Variants in DLC1 observed in about 807,000 individuals in gnomAD.
DLC1 encodes the protein rho GTPase-activating protein 7.
In DLC1, 54 loss-of-function variants were observed where a neutral mutation model predicts 140.3. The observed-to-expected ratio is 0.38, with a 90% CI of 0.31 to 0.48. The LOEUF is 0.48. DLC1 is among the 20% of genes least tolerant of loss of function. The pLI, the probability that DLC1 is intolerant of heterozygous loss-of-function variation, is 0.96. For missense variants in DLC1, 2,536 were observed against 1,907.0 expected, an observed-to-expected ratio of 1.33 and a Z score of -6.14; for synonymous variants, 986 against 728.1, an observed-to-expected ratio of 1.35 and a Z score of -5.70.
intron 5 of DLC1, among the ~76,000 whole-genome samples, chr8:13,127,587 T>C (rs548238847): frequency 6.6e-6 from 1 of 152,356 alleles, no homozygotes; most frequent in Admixed American, 6.5e-5. Flanking sequence ...TCTTCTATTT[T>C]GTCACTTGAG....
intron 1 of DLC1, among the ~76,000 whole-genome samples, chr8:13,602,155 T>C (rs1805909352): frequency 6.6e-6 from 1 of 151,740 alleles, no homozygotes; most frequent in Non-Finnish European, 1.5e-5. Flanking sequence ...TGTTAAACAA[T>C]ACCATGGTAT....
At chr8:13,215,463 A>G (rs1204849895) in intron 5 of DLC1, among the ~76,000 whole-genome samples, 4 of 152,060 alleles carry the variant, frequency 2.6e-5, no homozygotes, top group Non-Finnish European at 4.4e-5. Context: ...GGGCACGTCT[A>G]TAGTCACAGC....
chr8:13,566,784 A>C, intron 1 of DLC1: 1 of 638,536 alleles, frequency 1.6e-6, no homozygotes, highest in Non-Finnish European at 2.5e-6. Context: ...GGGAGCGCGG[A>C]GGAAAAGGCG....
In DLC1 at chr8:13,087,674, T is replaced by G. The variant is rs1180325775; in HGVS notation, c.4292+813A>C. Among the ~76,000 whole-genome samples the G allele has an allele frequency of 3.3e-5, 5 of 152,228 alleles. No homozygotes were observed. The South Asian group carries it at 6.2e-4, about 19-fold the overall frequency. On this transcript the variant is annotated intron_variant, in intron 16 of 17. Transcript: ENST00000276297. ...TTGAAGTGTAGCTTAAAACCATTTTTCTATTTCACAAATGTCTTGGAACAC... is the reference window on the plus strand; with the variant it reads ...TTGAAGTGTAGCTTAAAACCATTTTGCTATTTCACAAATGTCTTGGAACAC...
rs562032566 is a variant in DLC1, at chr8:13,544,391, A to T, written c.-125-44195T>A. The stretch of plus-strand genomic sequence containing the variant: ...TTACTCTAATTTAAATAATACATAC[A>T]TAGTGTAATTGTTTGGATCAATTTG... On this transcript the variant is annotated intron_variant, in intron 1 of 1. Transcript: ENST00000631382. 8.5e-4 allele frequency among the ~76,000 whole-genome samples: 130 copies of T among 152,328 alleles called. No individual in the cohort carries two copies. In the Middle Eastern group the frequency reaches 0.01, roughly 12 times the overall value.
chr8:13,213,998 G>A (rs1354707161), intron 5 of DLC1, among the ~76,000 whole-genome samples: 2 of 152,110 alleles, frequency 1.3e-5, no homozygotes, highest in African/African-American at 4.8e-5. Flanking sequence ...TGGCCAGGCC[G>A]CTCTCGAACT....
At chr8:13,224,439 G>A (rs539568684) in intron 5 of DLC1, among the ~76,000 whole-genome samples, 1 of 152,140 alleles carries the variant, frequency 6.6e-6, no homozygotes, top group Non-Finnish European at 1.5e-5. Flanking sequence ...AGCAGTATCT[G>A]TGGGCTACAA....
At position 13,099,714 on chromosome 8, in the gene DLC1, G is replaced by A. The variant is rs1818846958; in HGVS notation, c.2623C>T (p.Arg875Cys). The change falls in exon 9 of 18, where the codon CGC (arginine) becomes TGC (cysteine). Residue 875 changes from arginine (R) to cysteine (C), a missense_variant. Coordinates refer to ENST00000276297, the MANE Select transcript of DLC1 (RefSeq NM_182643.3). ...RRNSSSSMSSRLSIYDNVPGS... is the reference protein window; with the variant it reads ...RRNSSSSMSSCLSIYDNVPGS... ...GGCACGTTGTCGTAGATGCTCAGGC[G>A]GCTGCTCATGGAGCTGGAAGAATTG... The A allele has an allele frequency of 5.6e-6, 9 of 1,614,024 alleles. No individual in the cohort carries two copies. Among genetic ancestry groups the A allele is most frequent in the Non-Finnish European group, 7.6e-6 (9 of 1,180,022 alleles).
intron 1 of DLC1, among the ~76,000 whole-genome samples, chr8:13,586,072 T>C (rs1222980615): frequency 6.6e-6 from 1 of 152,114 alleles, no homozygotes; most frequent in Admixed American, 6.6e-5. Flanking sequence ...TCTTGGAAGT[T>C]TGAAAATATA....
chr8:13,283,875 G>A (rs1029264873), intron 5 of DLC1, among the ~76,000 whole-genome samples: 4 of 152,192 alleles, frequency 2.6e-5, no homozygotes, highest in African/African-American at 9.7e-5. Context: ...AGAATTTGTA[G>A]GACAGAGTAT....
intron 1 of DLC1, among the ~76,000 whole-genome samples, chr8:13,603,025 A>G (rs1163445248): frequency 6.6e-6 from 1 of 151,924 alleles, no homozygotes; most frequent in Non-Finnish European, 1.5e-5. Flanking sequence ...ACGTGGCAAT[A>G]ACTTAGATAA....
intron 5 of DLC1, among the ~76,000 whole-genome samples, chr8:13,245,152 G>A (rs900421553): frequency 1.3e-5 from 2 of 152,148 alleles, no homozygotes; most frequent in Non-Finnish European, 2.9e-5. Context: ...TGTTTTAAGA[G>A]GTCTGACTGC....
At chr8:13,398,071 C>T (rs1416476874) in intron 3 of DLC1, among the ~76,000 whole-genome samples, 2 of 151,936 alleles carry the variant, frequency 1.3e-5, no homozygotes, top group Non-Finnish European at 2.9e-5. Context: ...GCAGAGGTTG[C>T]CGTGAGCCTA....
At chr8:13,450,784 T>C (rs1249611550) in intron 2 of DLC1, among the ~76,000 whole-genome samples, 1 of 151,996 alleles carries the variant, frequency 6.6e-6, no homozygotes, top group Non-Finnish European at 1.5e-5. Context: ...CTCATGCCTG[T>C]AATCCTAGCA....
intron 8 of DLC1, among the ~76,000 whole-genome samples, chr8:13,101,851 C>G (rs1056308508): frequency 6.6e-6 from 1 of 152,172 alleles, no homozygotes. Flanking sequence ...AGCTGTCACA[C>G]GGACTATTGC....
At chr8:13,471,146 G>A (rs1199125899) in intron 2 of DLC1, among the ~76,000 whole-genome samples, 1 of 151,962 alleles carries the variant, frequency 6.6e-6, no homozygotes, top group Admixed American at 6.6e-5. Flanking sequence ...CAGGGGTTGG[G>A]GGGAGGGAGA....
intron 2 of DLC1, among the ~76,000 whole-genome samples, chr8:13,494,177 G>A (rs1801391905): frequency 6.6e-6 from 1 of 152,054 alleles, no homozygotes; most frequent in Non-Finnish European, 1.5e-5. Flanking sequence ...ATGCAGCTTG[G>A]TTATTTCTTT....
chr8:13,454,446 A>AGTTCCTAAC, intron 2 of DLC1, among the ~76,000 whole-genome samples: 1 of 152,320 alleles, frequency 6.6e-6, no homozygotes, highest in Middle Eastern at 3.4e-3. Context: ...TAACAAGGCA[A>AGTTCCTAAC]AAAGTAATAT....
intron 5 of DLC1, among the ~76,000 whole-genome samples, chr8:13,130,286 C>G (rs1011786182): frequency 5.9e-5 from 9 of 152,188 alleles, no homozygotes; most frequent in Non-Finnish European, 8.8e-5. Flanking sequence ...ACTGTGGCCT[C>G]CCATATCCCC....
Sources: allele counts gnomAD v4.1 joint callset (sites outside exome capture counted in the v4.1 genomes callset), GRCh38; gene constraint gnomAD v4.1.1; transcripts MANE v1.5; gene names NCBI Gene and HGNC (gene_info 2026-07-23, HGNC 2026-07-21).